DENND1C: variants seen among roughly 807,000 people sequenced by gnomAD.
The protein encoded by DENND1C is DENN domain-containing protein 1C.
Under a neutral mutation model 87.9 loss-of-function variants are expected in DENND1C, and 64 were observed. The observed-to-expected ratio is 0.73, with a 90% confidence interval of 0.60 to 0.90. The LOEUF is 0.90. DENND1C is among the 40% of genes least tolerant of loss of function. DENND1C has a pLI of 0.00. For missense variants in DENND1C, 980 were observed against 1,037.0 expected (o/e 0.95, Z 0.76); for synonymous variants, 384 against 424.4 (o/e 0.90, Z 1.17).
chr19:6,472,741 C>A, intron 15 of DENND1C, 148 bp downstream of exon 15: 1 of 555,392 alleles, frequency 1.8e-6, no homozygotes, highest in Non-Finnish European at 2.7e-6. Flanking sequence ...CACTTGGGAA[C>A]CCTGGAGTAG....
chr19:6,481,154 C>T (rs1913537393), intron 1 of DENND1C, among the ~76,000 whole-genome samples: 1 of 151,390 alleles, frequency 6.6e-6, no homozygotes, highest in Non-Finnish European at 1.5e-5. Context: ...CCTCCTCTGC[C>T]CCCATATCAA....
At position 6,467,286 on chromosome 19, in the gene DENND1C, G is replaced by A; in HGVS notation, c.*218C>T. The A allele has an allele frequency of 3.4e-6, 2 of 582,958 alleles. No homozygotes were observed. The highest frequency in any genetic ancestry group is 3.2e-5 in the East Asian group (1 of 30,770). The allele number at this position is 582,958 out of a possible 1,614,324, so 36.1% of individuals were successfully genotyped here. ...AGATGGAAGTGACAAATGCCGAGAG[G>A]AATTGTAAGGTTGCCAGGATTCTAG... On this transcript the variant is annotated 3_prime_UTR_variant, in exon 23 of 23. Coordinates refer to ENST00000381480, the MANE Select transcript of DENND1C (RefSeq NM_024898.4).
In DENND1C at chr19:6,477,426, C is replaced by A; in HGVS notation, c.399G>T (p.Leu133=). The A allele has an allele frequency of 6.2e-7, 1 of 1,613,324 alleles. No individual in the cohort carries two copies. The highest frequency in any genetic ancestry group is 8.5e-7 in the Non-Finnish European group (1 of 1,179,726). Residue 133 remains leucine (L), a synonymous_variant, in exon 7 of 23, where the codon CTG becomes CTT. Coordinates refer to ENST00000381480, the MANE Select transcript of DENND1C (RefSeq NM_024898.4). ...GGGGCCCAGACAGGGACTGCTGAAACAGATTTTGAAGAAGTTCCTCTGCCT... is the reference window on the plus strand; with the variant it reads ...GGGGCCCAGACAGGGACTGCTGAAAAAGATTTTGAAGAAGTTCCTCTGCCT... ...VTEAEELLQN[L]FQQSLSGPQA...
At position 6,481,617 on chromosome 19, in the gene DENND1C, C is replaced by T. The variant is rs1422212516; in HGVS notation, c.17+62G>A. ...CTGCTCCAGCCCCAGCTCCCCTCTG[C>T]CCCGGCTCAGGCCTGGCCCGGGAAT... On this transcript the variant is annotated intron_variant, in intron 1 of 22. Transcript: ENST00000381480. The T allele has an allele frequency of 3.1e-6, 5 of 1,607,946 alleles. No individual in the cohort carries two copies. In the African/African-American group the frequency reaches 4.0e-5, roughly 13 times the overall value.
At chr19:6,476,590 T>C (rs1185952389) in intron 10 of DENND1C, 4 of 451,192 alleles carry the variant, frequency 8.9e-6, no homozygotes, top group Non-Finnish European at 1.6e-5. Context: ...TCCCTGAGGG[T>C]CCGGAGGGGT....
intron 19 of DENND1C, 145 bp from the exon 20 acceptor site, chr19:6,469,098 C>A: frequency 2.1e-6 from 1 of 479,416 alleles, no homozygotes; most frequent in Middle Eastern, 3.0e-4. Flanking sequence ...GTGGTGCCAT[C>A]TCGGCTCACT....
At position 6,470,313 on chromosome 19, in the gene DENND1C, G is replaced by C; in HGVS notation, c.1344C>G (p.Val448=). 5 of 1,611,638 alleles carry C rather than the reference G, an allele frequency of 3.1e-6. No homozygotes were observed. Among genetic ancestry groups the C allele is most frequent in the Non-Finnish European group, 4.2e-6 (5 of 1,179,048 alleles). ...GCCTCACCGAGCGGTACATGTTCTT[G>C]ACGGCTGGTTGGGTCTTGGCCTTGA... The part of the protein sequence containing the change: ...HSVKAKTQPA[V]KNMYRSAKSG... The change falls in exon 18 of 23, where the codon GTC becomes GTG. Residue 448 remains valine (V), a synonymous_variant. Transcript: ENST00000381480.
intron 14 of DENND1C, 61 bp downstream of exon 14, chr19:6,475,213 G>A (rs535243466): frequency 1.9e-6 from 3 of 1,605,352 alleles, no homozygotes; most frequent in East Asian, 2.2e-5. Context: ...TGTACCTATC[G>A]TTACATTGCG....
chr19:6,473,917 G>C (rs991851191), intron 14 of DENND1C, among the ~76,000 whole-genome samples: 1 of 152,094 alleles, frequency 6.6e-6, no homozygotes. Flanking sequence ...GCAGGAGGCC[G>C]GGCGCGGTGG....
Position 6,475,909 on chromosome 19 carries a change from G to A in DENND1C, c.707C>T (p.Ala236Val). 1 of 1,569,522 alleles carries A rather than the reference G, an allele frequency of 6.4e-7. No homozygotes were observed. Among genetic ancestry groups the A allele is most frequent in the Non-Finnish European group, 8.6e-7 (1 of 1,166,228 alleles). Residue 236 changes from alanine to valine, a missense_variant, in exon 11 of 23, where the codon GCG becomes GTG. Physicochemically the swap from Ala to Val is moderately conservative, Grantham distance 64. Coordinates refer to ENST00000381480, the MANE Select transcript of DENND1C (RefSeq NM_024898.4). The part of the protein sequence containing the change: ...TLTSCVHASC[A>V]LLYPMRWEHV... ...CTCCCAGCGCATGGGGTACAGGAGCGCGCAGGACGCGTGGACGCACGAGGT... is the reference window on the plus strand; with the variant it reads ...CTCCCAGCGCATGGGGTACAGGAGCACGCAGGACGCGTGGACGCACGAGGT...
At position 6,475,559 on chromosome 19, in the gene DENND1C, G is replaced by A. The variant is rs542409797; in HGVS notation, c.852C>T (p.Asp284=). 1.2e-6 allele frequency: 2 copies of A among 1,613,988 alleles called. No homozygotes were observed. Among genetic ancestry groups the A allele is most frequent in the East Asian group, 2.2e-5 (1 of 44,888 alleles). Residue 284 remains aspartate (D), a synonymous_variant, in exon 13 of 23, where the codon GAC becomes GAT. Transcript: ENST00000381480. ...AERVREKALE[D]VVVLNVDANT... is the part of the protein sequence containing the mutation. ...TGGCGTCCACGTTCAGCACCACGACGTCCTCCAGGGCTTTTTCTCGTACTC... is the reference window on the plus strand; with the variant it reads ...TGGCGTCCACGTTCAGCACCACGACATCCTCCAGGGCTTTTTCTCGTACTC...
At chr19:6,473,089 G>C (rs1234887897) in intron 14 of DENND1C, 96 bp from the exon 15 acceptor site, 1 of 886,342 alleles carries the variant, frequency 1.1e-6, no homozygotes, top group African/African-American at 1.7e-5. Context: ...TTAGGCACTT[G>C]CTGTGTGTCT....
chr19:6,478,896 C>T (rs370774266), intron 5 of DENND1C, 41 bp downstream of exon 5: 25 of 1,613,800 alleles, frequency 1.5e-5, no homozygotes, highest in South Asian at 6.6e-5. Flanking sequence ...CCCTAGGCCT[C>T]GGCCTTTCCC....
chr19:6,477,183 C>A, intron 8 of DENND1C, 35 bp downstream of exon 8: 1 of 1,590,534 alleles, frequency 6.3e-7, no homozygotes, highest in Non-Finnish European at 8.6e-7. Context: ...CTCACCTGGA[C>A]CCCCGACCTT....
chr19:6,468,836 G>T lies in DENND1C; in HGVS notation c.1515+10C>A. 1 of 1,505,254 alleles carries T rather than the reference G, an allele frequency of 6.6e-7. No individual in the cohort carries two copies. The highest frequency in any genetic ancestry group is 8.8e-7 in the Non-Finnish European group (1 of 1,133,168). 93.2% of individuals were successfully genotyped at this position (1,505,254 alleles called of 1,614,324 possible). On this transcript the variant is annotated intron_variant, in intron 20 of 22. Transcript: ENST00000381480. Reference sequence around the variant, plus strand: ...TCCAGGTGTGTGCATGGGGGGAGGGGCGCTCTCACCTTTCCAAAGTGCTGA... The same window carrying T: ...TCCAGGTGTGTGCATGGGGGGAGGGTCGCTCTCACCTTTCCAAAGTGCTGA...
chr19:6,479,258 T>A (rs1305135653), intron 4 of DENND1C, among the ~76,000 whole-genome samples: 1 of 151,070 alleles, frequency 6.6e-6, no homozygotes, highest in East Asian at 1.9e-4. Flanking sequence ...AGTCCCTGGG[T>A]CCCTGGATCT....
At chr19:6,474,940 G>A (rs192107392) in intron 14 of DENND1C, among the ~76,000 whole-genome samples, 155 of 152,040 alleles carry the variant, frequency 1.0e-3, no homozygotes, top group Middle Eastern at 3.4e-3. Context: ...ATGGTGGTGC[G>A]CACCTGCAGT....
chr19:6,478,646 G>T, intron 6 of DENND1C, 137 bp downstream of exon 6: 2 of 1,013,138 alleles, frequency 2.0e-6, no homozygotes, highest in Non-Finnish European at 2.9e-6. Context: ...TCCCACCTCG[G>T]CCTCCCAAAA....
Position 6,468,545 on chromosome 19 carries a change from ACTTTCAACACTGCTGTTCC to A in DENND1C, c.1583+14_1583+32del, listed in dbSNP as rs1173357876. 1 of 1,553,230 alleles carries A rather than the reference ACTTTCAACACTGCTGTTCC, an allele frequency of 6.4e-7. No individual in the cohort carries two copies. The highest frequency in any genetic ancestry group is 8.7e-7 in the Non-Finnish European group (1 of 1,149,038). On this transcript the variant is annotated intron_variant, in intron 21 of 22. Transcript: ENST00000381480. ...TCCTCCCCATCAGTCCTGGCCTCCCACTTTCAACACTGCTGTTCCCTTTTTGCCTTACCCCGCCCCTGGG... is the reference window on the plus strand; with the variant it reads ...TCCTCCCCATCAGTCCTGGCCTCCCACTTTTTGCCTTACCCCGCCCCTGGG...
Sources: allele counts gnomAD v4.1 joint callset (sites outside exome capture counted in the v4.1 genomes callset), GRCh38; gene constraint gnomAD v4.1.1; transcripts MANE v1.5; gene names NCBI Gene and HGNC (gene_info 2026-07-23, HGNC 2026-07-21).